The following CEP126 variants were observed in gnomAD, a reference collection of about 807,000 sequenced individuals.
CEP126 encodes centrosomal protein 126.
A neutral mutation model predicts 107.8 loss-of-function variants in CEP126; 74 were observed. That is an observed-to-expected ratio of 0.69 (90% confidence interval 0.57 to 0.83). The LOEUF is 0.83. Among genes scored for constraint, CEP126 ranks in the 40% least tolerant of loss-of-function variants. CEP126 has a pLI of 0.00. For missense variants in CEP126, 1,237 were observed against 1,281.9 expected (o/e 0.96, Z 0.53); for synonymous variants, 449 against 446.0 (o/e 1.01, Z -0.08).
At chr11:101,990,245 A>C (rs1013747152) in intron 9 of CEP126, among the ~76,000 whole-genome samples, 3 of 152,198 alleles carry the variant, frequency 2.0e-5, no homozygotes, top group African/African-American at 7.2e-5. Flanking sequence ...AGCAGGAGAC[A>C]AGAGAAACCC....
At chr11:101,960,170 G>A (rs1940952612) in intron 5 of CEP126, among the ~76,000 whole-genome samples, 1 of 108,684 alleles carries the variant, frequency 9.2e-6, no homozygotes, top group African/African-American at 3.8e-5. Context: ...AAGACGGACC[G>A]CTAAATGTAA....
intron 8 of CEP126, among the ~76,000 whole-genome samples, chr11:101,985,418 G>A (rs1941305476): frequency 6.6e-6 from 1 of 152,040 alleles, no homozygotes; most frequent in Non-Finnish European, 1.5e-5. Context: ...AAGTAGCTGG[G>A]ATGACAGGCG....
intron 2 of CEP126, among the ~76,000 whole-genome samples, chr11:101,943,145 T>C (rs1205133042): frequency 6.6e-6 from 1 of 151,846 alleles, no homozygotes; most frequent in Non-Finnish European, 1.5e-5. Flanking sequence ...TTGAATCAAA[T>C]GGTAAAAGCA....
intron 6 of CEP126, among the ~76,000 whole-genome samples, chr11:101,967,393 A>G (rs1387660897): frequency 6.6e-6 from 1 of 152,126 alleles, no homozygotes; most frequent in Non-Finnish European, 1.5e-5. Context: ...CAAGAATCAA[A>G]CAGCCCTTCC....
intron 8 of CEP126, among the ~76,000 whole-genome samples, chr11:101,985,191 C>T (rs547785931): frequency 2.6e-5 from 4 of 152,218 alleles, no homozygotes; most frequent in African/African-American, 9.6e-5. Flanking sequence ...GTTCAATATA[C>T]ACCAACTTCA....
intron 5 of CEP126, 104 bp from the exon 6 acceptor site, chr11:101,961,637 C>T (rs1258898110): frequency 1.6e-6 from 1 of 618,802 alleles, no homozygotes; most frequent in African/African-American, 1.9e-5. Context: ...TCATACTACT[C>T]TATATGCAAG....
At chr11:101,927,707 T>C (rs943265691) in intron 2 of CEP126, among the ~76,000 whole-genome samples, 6 of 152,212 alleles carry the variant, frequency 3.9e-5, no homozygotes, top group African/African-American at 1.4e-4. Flanking sequence ...TTGGGATTCA[T>C]TCAAGTTGTA....
At chr11:101,941,136 A>G (rs1940658065) in intron 2 of CEP126, among the ~76,000 whole-genome samples, 1 of 152,182 alleles carries the variant, frequency 6.6e-6, no homozygotes, top group Non-Finnish European at 1.5e-5. Flanking sequence ...AACAGAAAGT[A>G]GAATACTCTA....
intron 6 of CEP126, among the ~76,000 whole-genome samples, chr11:101,976,909 A>T (rs1941198694): frequency 6.6e-6 from 1 of 152,134 alleles, no homozygotes; most frequent in African/African-American, 2.4e-5. Flanking sequence ...TACTATAATA[A>T]TTCATTTATA....
intron 6 of CEP126, among the ~76,000 whole-genome samples, chr11:101,972,683 C>A (rs906586308): frequency 6.6e-5 from 10 of 151,944 alleles, no homozygotes; most frequent in African/African-American, 2.4e-4. Context: ...CACCTGTAGT[C>A]CCAGCTACTC....
Position 101,999,539 on chromosome 11 carries a change from G to GATTTGC in CEP126, c.*1901_*1906dup, listed in dbSNP as rs1281580381. 1 of 138,728 alleles carries GATTTGC rather than the reference G, an allele frequency of 7.2e-6. No homozygotes were observed. The highest frequency in any genetic ancestry group is 7.2e-5 in the Admixed American group (1 of 13,812). The allele number at this position is 138,728 out of a possible 1,614,324, so 8.6% of individuals were successfully genotyped here. A position where few individuals can be genotyped will look rare whatever the true frequency, so the allele number is the denominator to read the frequency against. On this transcript the variant is annotated 3_prime_UTR_variant, in exon 11 of 11. Coordinates refer to ENST00000263468, the MANE Select transcript of CEP126 (RefSeq NM_020802.4). ...ATAGTAAGCTGGTGAAACAAGATAA[G>GATTTGC]ATTTGCATTTTACTAGAACTTGCAC...
rs1940976881 is a variant in CEP126, at chr11:101,961,882, C to G, written c.847C>G (p.Leu283Val). ...ATCCATCCAGCGGAATACCATTTCC[C>G]TCAAACCAGCAAATATGCAATCAAC... Reference protein sequence around the residue: ...STSIQRNTISLKPANMQSTNL... With the variant: ...STSIQRNTISVKPANMQSTNL... Residue 283 changes from leucine (L) to valine (V), a missense_variant, in exon 6 of 11, where the codon CTC becomes GTC. Physicochemically the swap from Leu to Val is conservative, Grantham distance 32 (BLOSUM62 1). Around this residue, in one of 3 missense-constraint regions of CEP126, gnomAD observed 1,134 missense variants for 1,150.5 expected, o/e 0.99. Coordinates refer to ENST00000263468, the MANE Select transcript of CEP126 (RefSeq NM_020802.4). 8 of 1,613,024 alleles carry G rather than the reference C, an allele frequency of 5.0e-6. No individual in the cohort carries two copies. Among genetic ancestry groups the G allele is most frequent in the Non-Finnish European group, 6.8e-6 (8 of 1,179,406 alleles).
chr11:101,953,098 G>A (rs1466825064), intron 4 of CEP126, among the ~76,000 whole-genome samples: 3 of 152,114 alleles, frequency 2.0e-5, no homozygotes, highest in Non-Finnish European at 2.9e-5. Context: ...TGGATAAGAC[G>A]CCCCATGTTC....
Position 101,999,441 on chromosome 11 carries a change from A to G in CEP126, c.*1798A>G, listed in dbSNP as rs1214523067. 3 of 151,650 alleles carry G rather than the reference A, an allele frequency of 2.0e-5. No individual in the cohort carries two copies. Among genetic ancestry groups the G allele is most frequent in the Admixed American group, 1.3e-4 (2 of 15,198 alleles). The allele number at this position is 151,650 out of a possible 1,614,324, so 9.4% of individuals were successfully genotyped here. ...TTAGGAACCAAAGAATGCCTCTACA[A>G]GCAAAAAGATAGTTGAAAATAGTTA... is the stretch of plus-strand genomic sequence containing the variant. On this transcript the variant is annotated 3_prime_UTR_variant, in exon 11 of 11. Coordinates refer to ENST00000263468, the MANE Select transcript of CEP126 (RefSeq NM_020802.4).
At position 101,915,321 on chromosome 11, in the gene CEP126, G is replaced by A. The variant is rs764814199; in HGVS notation, c.37G>A (p.Gly13Arg). 13 of 1,613,910 alleles carry A rather than the reference G, an allele frequency of 8.1e-6. No individual in the cohort carries two copies. The South Asian group carries it at 1.2e-4, about 15-fold the overall frequency. The change falls in exon 1 of 11, where the codon GGG becomes AGG. Residue 13 changes from glycine to arginine, a missense_variant. Physicochemically the swap from Gly to Arg is moderately radical, Grantham distance 125 (BLOSUM62 -2). Around this residue, in one of 3 missense-constraint regions of CEP126, gnomAD observed 1,134 missense variants for 1,150.5 expected, o/e 0.99. Coordinates refer to ENST00000263468, the MANE Select transcript of CEP126 (RefSeq NM_020802.4). ...GAGGCCCGGAACCCGGAGCGCGGTCGGGGAACTGGGCACTGAATCATCGGA... is the reference window on the plus strand; with the variant it reads ...GAGGCCCGGAACCCGGAGCGCGGTCAGGGAACTGGGCACTGAATCATCGGA... ...AGRPGTRSAV[G>R]ELGTESSDNL...
chr11:101,940,110 T>A (rs1336294256), intron 2 of CEP126, among the ~76,000 whole-genome samples: 2 of 152,128 alleles, frequency 1.3e-5, no homozygotes, highest in African/African-American at 4.8e-5. Flanking sequence ...GGAACAGACA[T>A]CTCTGTTTAA....
At chr11:101,935,205 T>C (rs750870277) in intron 2 of CEP126, among the ~76,000 whole-genome samples, 10 of 152,052 alleles carry the variant, frequency 6.6e-5, no homozygotes, top group Non-Finnish European at 1.0e-4. Flanking sequence ...GTCTTCTTGT[T>C]GAATTGTAAG....
intron 10 of CEP126, among the ~76,000 whole-genome samples, chr11:101,996,401 A>T (rs915029312): frequency 2.0e-5 from 3 of 152,194 alleles, no homozygotes; most frequent in Admixed American, 2.0e-4. Flanking sequence ...AGAGCAGGCT[A>T]CATTTTTATC....
rs1390946054 is a variant in CEP126 at position 101,978,554 on chromosome 11, A to G, written c.2958+95A>G. ...GGACTATGCTCTTGCTGTAAACTGT[A>G]TACCACAACATAAATATAATTATAG... On this transcript the variant is annotated intron_variant, in intron 7 of 10. Transcript: ENST00000263468. 1.4e-5 allele frequency: 10 copies of G among 716,234 alleles called. No individual in the cohort carries two copies. The East Asian group carries it at 1.5e-4, about 11-fold the overall frequency. The allele number at this position is 716,234 out of a possible 1,614,324, so 44.4% of individuals were successfully genotyped here.
Sources: allele counts gnomAD v4.1 joint callset (sites outside exome capture counted in the v4.1 genomes callset), GRCh38; gene constraint gnomAD v4.1.1; regional missense constraint gnomAD v4.1.1; transcripts MANE v1.5; gene names NCBI Gene and HGNC (gene_info 2026-07-23, HGNC 2026-07-21).